Variants in TENM2 observed in about 807,000 individuals in gnomAD.
The protein encoded by TENM2 is teneurin transmembrane protein 2.
TENM2 carries 52 observed loss-of-function variants against 245.2 expected under a neutral mutation model. That is an observed-to-expected ratio of 0.21 (90% confidence interval 0.17 to 0.27). The LOEUF is 0.27. Ranked by LOEUF, TENM2 falls within the 10% of genes least tolerant of loss-of-function variation. TENM2 has a pLI of 1.00. For synonymous variants in TENM2, 1,363 were observed against 1,438.9 expected (o/e 0.95, Z 1.19); for missense variants, 3,046 against 3,666.8 (o/e 0.83, Z 4.37).
At chr5:167,646,101 T>C (rs986707514) in intron 2 of TENM2, among the ~76,000 whole-genome samples, 6 of 149,004 alleles carry the variant, frequency 4.0e-5, no homozygotes, top group South Asian at 2.1e-4. Flanking sequence ...CATATATATA[T>C]ACACACACAC....
At chr5:167,457,510 G>A (rs1442390115) in intron 2 of TENM2, among the ~76,000 whole-genome samples, 1 of 151,698 alleles carries the variant, frequency 6.6e-6, no homozygotes, top group Admixed American at 6.6e-5. Context: ...ACCATGCCCG[G>A]GTAATTTTGT....
intron 2 of TENM2, among the ~76,000 whole-genome samples, chr5:167,479,234 A>T (rs1767602168): frequency 1.3e-5 from 2 of 152,196 alleles, no homozygotes; most frequent in African/African-American, 4.8e-5. Context: ...TGGAAATATA[A>T]GCCTTTGCTG....
chr5:167,893,661 C>G (rs1270688006), intron 3 of TENM2, among the ~76,000 whole-genome samples: 2 of 148,920 alleles, frequency 1.3e-5, no homozygotes, highest in Non-Finnish European at 3.0e-5. Flanking sequence ...AGAGGCATTT[C>G]AAGAACGTGT....
intron 2 of TENM2, among the ~76,000 whole-genome samples, chr5:167,827,626 G>GGT (rs1232267401): frequency 1.0e-4 from 11 of 108,464 alleles, no homozygotes; most frequent in Admixed American, 3.7e-4. Flanking sequence ...GAGCTAGGTG[G>GGT]GCGGGGGGGG....
At chr5:167,363,987 A>C (rs566111473) in intron 1 of TENM2, among the ~76,000 whole-genome samples, 1 of 152,110 alleles carries the variant, frequency 6.6e-6, no homozygotes, top group South Asian at 2.1e-4. Context: ...ATATGAGTTC[A>C]AGCACAATTA....
Position 167,694,851 on chromosome 5 carries a change from A to T in TENM2, c.503-181135A>T, listed in dbSNP as rs531876332. ...TTAATGTTTACATGCAGAAAAAAAAATTGTCATCACAAGTAGATAAATAGC... is the reference window on the plus strand; with the variant it reads ...TTAATGTTTACATGCAGAAAAAAAATTTGTCATCACAAGTAGATAAATAGC... On this transcript the variant is annotated intron_variant, in intron 2 of 28. Coordinates refer to ENST00000518659, the Ensembl canonical transcript of TENM2. Among the ~76,000 whole-genome samples the T allele has an allele frequency of 2.4e-3, 373 of 152,274 alleles. 2 individuals carry two copies. Among genetic ancestry groups the T allele is most frequent in the South Asian group, 0.022 (104 of 4,826 alleles).
At chr5:168,248,154 C>T in exon 27 of TENM2, 1 of 1,614,040 alleles carries the variant, frequency 6.2e-7, no homozygotes, top group Non-Finnish European at 8.5e-7. Context: ...ACCCCGACTT[C>T]CAGATGGTCA....
At chr5:166,995,059 A>C in the TENM2 span, among the ~76,000 whole-genome samples, 6 of 152,280 alleles carry the variant, frequency 3.9e-5, no homozygotes, top group East Asian at 1.2e-3. Context: ...AAAAAGATGG[A>C]TGATTCTTGC....
At chr5:167,904,264 A>G (rs7727661) in intron 3 of TENM2, among the ~76,000 whole-genome samples, 41,503 of 152,006 alleles carry the variant, frequency 0.27, 6,015 homozygotes, top group East Asian at 0.51. Flanking sequence ...AGCATGGGTT[A>G]GAGGATCATC....
chr5:168,228,175 ATACACTT>A (rs1764411596), intron 25 of TENM2, 45 bp downstream of exon 27: 1 of 1,470,304 alleles, frequency 6.8e-7, no homozygotes, highest in Non-Finnish European at 9.5e-7. Flanking sequence ...GGGAGGGGAT[ATACACTT>A]TCCTCACAGA....
chr5:167,418,347 G>T (rs557019199), intron 2 of TENM2, among the ~76,000 whole-genome samples: 119 of 151,656 alleles, frequency 7.8e-4, no homozygotes, highest in African/African-American at 2.6e-3. Flanking sequence ...TTGGAGAAAC[G>T]TATAGAATCA....
At chr5:168,245,532 C>G (rs1049754752) in intron 26 of TENM2, among the ~76,000 whole-genome samples, 1 of 146,444 alleles carries the variant, frequency 6.8e-6, no homozygotes, top group African/African-American at 2.5e-5. Context: ...GTGCCAAATT[C>G]AGGTCTTCAT....
Position 167,907,737 on chromosome 5 carries a change from T to C in TENM2, c.712+31542T>C, listed in dbSNP as rs565769797. On this transcript the variant is annotated intron_variant, in intron 3 of 28. Coordinates refer to ENST00000518659, the Ensembl canonical transcript of TENM2. ...GGGAAACATAGTGAGACTCCATTTC[T>C]ACAATAAATAAATTATAAAATATAT... Among the ~76,000 whole-genome samples the C allele has an allele frequency of 1.6e-3, 244 of 150,844 alleles. 1 individual carries two copies. The highest frequency in any genetic ancestry group is 3.8e-3 in the African/African-American group (158 of 41,366).
intron 1 of TENM2, among the ~76,000 whole-genome samples, chr5:167,343,188 CT>C (rs1393115944): frequency 3.3e-5 from 5 of 151,998 alleles, no homozygotes; most frequent in Non-Finnish European, 7.4e-5. Context: ...GGGTTTTTTG[CT>C]TTTTGTTTTA....
chr5:167,245,987 G>A, the TENM2 span, among the ~76,000 whole-genome samples: 2 of 152,126 alleles, frequency 1.3e-5, no homozygotes, highest in African/African-American at 2.4e-5. Context: ...TCCATGCCAT[G>A]GCTGGAGAGA....
chr5:167,533,375 G>A (rs1582311828), intron 2 of TENM2, among the ~76,000 whole-genome samples: 1 of 152,096 alleles, frequency 6.6e-6, no homozygotes, highest in African/African-American at 2.4e-5. Context: ...AATGGGTTAT[G>A]GCAGAAGCTT....
intron 17 of TENM2, among the ~76,000 whole-genome samples, chr5:168,200,837 T>G (rs1486933067): frequency 6.6e-6 from 1 of 151,980 alleles, no homozygotes; most frequent in African/African-American, 2.4e-5. Context: ...TCTTCCTACT[T>G]GTGGAAAGCT....
intron 3 of TENM2, among the ~76,000 whole-genome samples, chr5:167,885,684 G>T (rs1774225739): frequency 3.9e-5 from 6 of 152,046 alleles, no homozygotes; most frequent in Admixed American, 2.6e-4. Flanking sequence ...GTGATTACTG[G>T]TTTTTTGTTT....
At chr5:167,196,443 T>C in the TENM2 span, among the ~76,000 whole-genome samples, 1 of 150,562 alleles carries the variant, frequency 6.6e-6, no homozygotes, top group Non-Finnish European at 1.5e-5. Context: ...AGTTAGAAAA[T>C]ATATATGTGT....
Sources: allele counts gnomAD v4.1 joint callset (sites outside exome capture counted in the v4.1 genomes callset), GRCh38; gene constraint gnomAD v4.1.1; transcripts MANE v1.5; gene names NCBI Gene and HGNC (gene_info 2026-07-23, HGNC 2026-07-21).